The following EXTL3 variants were observed in gnomAD, a reference collection of about 807,000 sequenced individuals.
EXTL3 encodes exostosin-like 3.
EXTL3 carries 27 observed loss-of-function variants against 69.3 expected under a neutral mutation model. The observed-to-expected ratio is 0.39, with a 90% CI of 0.29 to 0.54. The LOEUF is 0.54. Among genes scored for constraint, EXTL3 ranks in the 20% least tolerant of loss-of-function variants. EXTL3 has a pLI of 0.69. For missense variants in EXTL3, 1,003 were observed against 1,231.8 expected, an observed-to-expected ratio of 0.81 and a Z score of 2.78; for synonymous variants, 511 against 499.4, an observed-to-expected ratio of 1.02 and a Z score of -0.31.
intron 1 of EXTL3, among the ~76,000 whole-genome samples, chr8:28,635,583 T>C (rs1432848769): frequency 1.5e-5 from 2 of 134,112 alleles, no homozygotes; most frequent in African/African-American, 2.8e-5. Flanking sequence ...TAGTGGCGGG[T>C]GCCTGTAGTC....
upstream of EXTL3, among the ~76,000 whole-genome samples, chr8:28,619,373 T>G (rs1182659984): frequency 1.4e-5 from 2 of 142,066 alleles, no homozygotes; most frequent in Admixed American, 1.5e-4. Context: ...CAAGGTCTCC[T>G]GGGGGAGAAG....
At chr8:28,724,916 C>G (rs1414407215) in intron 3 of EXTL3, among the ~76,000 whole-genome samples, 1 of 152,188 alleles carries the variant, frequency 6.6e-6, no homozygotes, top group African/African-American at 2.4e-5. Flanking sequence ...TTACCTAGGT[C>G]CTCCTGAGCT....
intron 1 of EXTL3, among the ~76,000 whole-genome samples, chr8:28,677,310 C>A (rs1217405865): frequency 6.6e-6 from 1 of 152,032 alleles, no homozygotes; most frequent in Non-Finnish European, 1.5e-5. Context: ...TTTTAAAAAT[C>A]TAACTCCTTG....
At chr8:28,746,151 G>C (rs889875129) in intron 6 of EXTL3, among the ~76,000 whole-genome samples, 4 of 152,060 alleles carry the variant, frequency 2.6e-5, no homozygotes, top group Non-Finnish European at 4.4e-5. Flanking sequence ...AATTTTTACT[G>C]TCAAACTATT....
chr8:28,636,770 G>A (rs532844330), intron 1 of EXTL3, among the ~76,000 whole-genome samples: 140 of 152,282 alleles, frequency 9.2e-4, no homozygotes, highest in African/African-American at 3.1e-3. Context: ...CAGCACTTTG[G>A]GAGGCTGAGA....
chr8:28,704,749 A>G (rs1800884383), intron 1 of EXTL3, among the ~76,000 whole-genome samples: 2 of 151,934 alleles, frequency 1.3e-5, no homozygotes, highest in South Asian at 4.2e-4. Flanking sequence ...AGGTGACTGC[A>G]AACTTCCGCC....
At chr8:28,695,842 A>G (rs1800677304) in intron 1 of EXTL3, among the ~76,000 whole-genome samples, 1 of 152,180 alleles carries the variant, frequency 6.6e-6, no homozygotes, top group East Asian at 1.9e-4. Context: ...GAGTGTGGGA[A>G]TAATTGGCAA....
intron 1 of EXTL3, among the ~76,000 whole-genome samples, chr8:28,681,984 G>T (rs960945439): frequency 2.6e-5 from 4 of 152,100 alleles, no homozygotes; most frequent in Non-Finnish European, 4.4e-5. Context: ...GCTTGAACCC[G>T]GGAGGTGGAG....
In EXTL3 at chr8:28,715,953, A is replaced by T; in HGVS notation, c.-107A>T. ...GGTGCCTTGTCTGGGGAGCACACTA[A>T]CTCTTCTGGAAACGTGTCAGTGAAA... On this transcript the variant is annotated 5_prime_UTR_variant, in exon 3 of 7. Transcript: ENST00000220562. 1.1e-6 allele frequency: 1 copy of T among 898,090 alleles called. No individual in the cohort carries two copies. The highest frequency in any genetic ancestry group is 1.7e-6 in the Non-Finnish European group (1 of 579,166). 55.6% of individuals were successfully genotyped at this position (898,090 alleles called of 1,614,324 possible).
chr8:28,706,485 G>A (rs1800925139), intron 1 of EXTL3, among the ~76,000 whole-genome samples: 1 of 152,146 alleles, frequency 6.6e-6, no homozygotes, highest in African/African-American at 2.4e-5. Flanking sequence ...GAATTACAGG[G>A]AAAGAGGATA....
intron 2 of EXTL3, among the ~76,000 whole-genome samples, chr8:28,616,417 A>C (rs1040576998): frequency 1.3e-5 from 2 of 152,072 alleles, no homozygotes; most frequent in Non-Finnish European, 2.9e-5. Flanking sequence ...TGAGGTCAGG[A>C]GATCGAGACC....
chr8:28,667,833 C>T (rs925645487), intron 1 of EXTL3, among the ~76,000 whole-genome samples: 1 of 150,770 alleles, frequency 6.6e-6, no homozygotes, highest in Non-Finnish European at 1.5e-5. Flanking sequence ...GCACATTGTG[C>T]ACATGTACCC....
intron 1 of EXTL3, among the ~76,000 whole-genome samples, chr8:28,641,879 A>G (rs1027471369): frequency 3.3e-5 from 5 of 152,156 alleles, no homozygotes; most frequent in African/African-American, 1.2e-4. Flanking sequence ...TCTGTCACCC[A>G]GGCTGGAGTG....
chr8:28,708,152 C>T (rs758531522), intron 1 of EXTL3, among the ~76,000 whole-genome samples: 2 of 152,178 alleles, frequency 1.3e-5, no homozygotes, highest in East Asian at 1.9e-4. Context: ...GTAATAAGGG[C>T]GGCTCAAACT....
chr8:28,756,106 G>A (rs547310192), downstream of EXTL3, among the ~76,000 whole-genome samples: 5 of 152,190 alleles, frequency 3.3e-5, no homozygotes, highest in South Asian at 2.1e-4. Flanking sequence ...TATTTTAAAC[G>A]TGCACACTGT....
intron 3 of EXTL3, among the ~76,000 whole-genome samples, chr8:28,730,677 A>C (rs1174405155): frequency 2.0e-5 from 3 of 152,170 alleles, no homozygotes; most frequent in Non-Finnish European, 4.4e-5. Context: ...GAAAAGAAGG[A>C]AAAAGTTTGT....
At chr8:28,639,971 A>C (rs1806717623) in intron 1 of EXTL3, among the ~76,000 whole-genome samples, 1 of 152,182 alleles carries the variant, frequency 6.6e-6, no homozygotes, top group African/African-American at 2.4e-5. Context: ...GTGGTGGTGC[A>C]TGCTTGTAAT....
chr8:28,661,620 C>T (rs1653631746), intron 1 of EXTL3, among the ~76,000 whole-genome samples: 1 of 151,854 alleles, frequency 6.6e-6, no homozygotes, highest in African/African-American at 2.4e-5. Flanking sequence ...TGGCTCATGC[C>T]TGTAATCCCA....
chr8:28,711,578 C>T (rs777562695), intron 1 of EXTL3, among the ~76,000 whole-genome samples: 1 of 152,112 alleles, frequency 6.6e-6, no homozygotes, highest in Non-Finnish European at 1.5e-5. Context: ...ATGTAACATT[C>T]CCAAATTCTC....
Sources: gnomAD v4.1 joint callset for allele counts (sites outside exome capture counted in the v4.1 genomes callset) on GRCh38, gnomAD v4.1.1 for gene constraint, MANE v1.5 for transcripts, NCBI Gene and HGNC (gene_info 2026-07-23, HGNC 2026-07-21) for gene names.